SMURF2: variants seen among roughly 807,000 people sequenced by gnomAD.
SMURF2 encodes the protein SMAD specific E3 ubiquitin protein ligase 2.
In SMURF2, 48 loss-of-function variants were observed where a neutral mutation model predicts 109.6. That is an observed-to-expected ratio of 0.44 (90% confidence interval 0.35 to 0.56). The LOEUF is 0.56. SMURF2 is among the 20% of genes least tolerant of loss of function. The pLI is 0.01. For missense variants in SMURF2, 575 were observed against 909.0 expected (o/e 0.63, Z 4.72); for synonymous variants, 288 against 317.1 (o/e 0.91, Z 0.97).
chr17:64,583,427 C>T (rs1299542879), intron 7 of SMURF2, 34 bp downstream of exon 7: 3 of 1,546,312 alleles, frequency 1.9e-6, no homozygotes, highest in African/African-American at 1.4e-5. Flanking sequence ...GGGTGGCTGG[C>T]ATAGATCATG....
chr17:64,644,321 T>C (rs1381549371), intron 1 of SMURF2, among the ~76,000 whole-genome samples: 4 of 151,904 alleles, frequency 2.6e-5, no homozygotes, highest in Non-Finnish European at 5.9e-5. Flanking sequence ...TGGTGGCTCA[T>C]GCCTGTACTC....
At chr17:64,651,726 C>T (rs1555693537) in intron 1 of SMURF2, among the ~76,000 whole-genome samples, 2 of 152,060 alleles carry the variant, frequency 1.3e-5, no homozygotes, top group Non-Finnish European at 2.9e-5. Flanking sequence ...AGTTCAAGAC[C>T]AGCCTGGGTA....
In SMURF2 at chr17:64,544,444, TAA is replaced by T. The variant is rs3840064; in HGVS notation, c.*1402_*1403del. ...AAAATTTGCTTATTTCACATCAATG[TAA>T]AAAAAAACTGATAGTACATATTTTT... On this transcript the variant is annotated 3_prime_UTR_variant, in exon 19 of 19. Coordinates refer to ENST00000262435, the MANE Select transcript of SMURF2 (RefSeq NM_022739.4). 2.0e-5 allele frequency: 3 copies of T among 151,694 alleles called. No homozygotes were observed. Among genetic ancestry groups the T allele is most frequent in the African/African-American group, 7.2e-5 (3 of 41,380 alleles). The allele number at this position is 151,694 out of a possible 1,614,324, so 9.4% of individuals were successfully genotyped here. A position where few individuals can be genotyped will look rare whatever the true frequency, so the allele number is the denominator to read the frequency against.
chr17:64,580,682 G>T, intron 8 of SMURF2, 107 bp downstream of exon 8: 1 of 1,141,326 alleles, frequency 8.8e-7, no homozygotes, highest in Non-Finnish European at 1.3e-6. Context: ...TTTTCATGCA[G>T]AATCCCTAAG....
chr17:64,566,584 T>TTTG (rs1969314211), intron 10 of SMURF2, among the ~76,000 whole-genome samples: 1 of 115,186 alleles, frequency 8.7e-6, no homozygotes, highest in Non-Finnish European at 1.9e-5. Context: ...TTTTTTTTTT[T>TTTG]TTTTTTTGAG....
chr17:64,609,125 C>T (rs559106812), intron 1 of SMURF2, among the ~76,000 whole-genome samples: 3 of 152,134 alleles, frequency 2.0e-5, no homozygotes, highest in East Asian at 3.9e-4. Context: ...TAAGAGAGGA[C>T]ACAAATAAAT....
Position 64,612,673 on chromosome 17 carries a change from C to T in SMURF2, c.53-6033G>A, listed in dbSNP as rs868994909. On this transcript the variant is annotated intron_variant, in intron 1 of 18. Coordinates refer to ENST00000262435, the MANE Select transcript of SMURF2 (RefSeq NM_022739.4). ...TGAGCAACAGAGTGAGACACTGTCC[C>T]CCTCCCTCCACCCCTCAAAAAAATC... 4.2e-4 allele frequency among the ~76,000 whole-genome samples: 64 copies of T among 152,086 alleles called. No homozygotes were observed. The Middle Eastern group carries it at 0.01, about 24-fold the overall frequency.
intron 1 of SMURF2, among the ~76,000 whole-genome samples, chr17:64,629,934 TC>T (rs1555691450): frequency 2.0e-5 from 3 of 152,194 alleles, no homozygotes; most frequent in Non-Finnish European, 4.4e-5. Flanking sequence ...AAAGTAATCA[TC>T]CTTTAAGAAC....
chr17:64,628,589 G>C (rs184025824), intron 1 of SMURF2, among the ~76,000 whole-genome samples: 2 of 152,036 alleles, frequency 1.3e-5, no homozygotes, highest in Non-Finnish European at 1.5e-5. Flanking sequence ...CAATTTCAAC[G>C]AGGGCTTACA....
intron 9 of SMURF2, among the ~76,000 whole-genome samples, chr17:64,575,341 C>T (rs1333630900): frequency 1.8e-4 from 27 of 151,698 alleles, no homozygotes; most frequent in African/African-American, 2.4e-5. Flanking sequence ...TTAGTAGAGA[C>T]GGGTTTTCAC....
intron 9 of SMURF2, among the ~76,000 whole-genome samples, chr17:64,577,460 A>G (rs1969510245): frequency 2.0e-5 from 3 of 151,914 alleles, no homozygotes; most frequent in Admixed American, 2.0e-4. Flanking sequence ...TGTAAATGAC[A>G]AGTTAATGGG....
intron 5 of SMURF2, among the ~76,000 whole-genome samples, chr17:64,589,580 G>T (rs1242183893): frequency 1.3e-5 from 2 of 151,862 alleles, no homozygotes; most frequent in Non-Finnish European, 2.9e-5. Context: ...CCCGAGCTCT[G>T]CCTCCTATCA....
At chr17:64,568,098 C>A (rs1969341297) in intron 10 of SMURF2, among the ~76,000 whole-genome samples, 1 of 152,120 alleles carries the variant, frequency 6.6e-6, no homozygotes, top group African/African-American at 2.4e-5. Context: ...TTGTGATCCA[C>A]CCGCCTTGGC....
chr17:64,573,672 G>A (rs1469114767), intron 9 of SMURF2, among the ~76,000 whole-genome samples: 6 of 152,142 alleles, frequency 3.9e-5, no homozygotes, highest in Non-Finnish European at 1.5e-5. Context: ...AGGCAGAAGG[G>A]CAGGCCAGCA....
chr17:64,592,126 A>G (rs539254278), intron 4 of SMURF2, among the ~76,000 whole-genome samples: 2 of 152,302 alleles, frequency 1.3e-5, no homozygotes, highest in Non-Finnish European at 2.9e-5. Flanking sequence ...AGTCCTTCCA[A>G]TGCGGCATGC....
chr17:64,581,118 T>C lies in SMURF2; in HGVS notation c.570-127A>G, dbSNP rs1969573806. Reference sequence around the variant, plus strand: ...CTGAAAACAGAATGACTAATACAAGTATAATGACTTCAAGAACTCTGAGTA... The same window carrying C: ...CTGAAAACAGAATGACTAATACAAGCATAATGACTTCAAGAACTCTGAGTA... On this transcript the variant is annotated intron_variant, in intron 7 of 18. Transcript: ENST00000262435. The surrounding 1 kb of genome is among the most constrained non-coding windows in gnomAD (Gnocchi z 4.3). 1 of 815,372 alleles carries C rather than the reference T, an allele frequency of 1.2e-6. No homozygotes were observed. Among genetic ancestry groups the C allele is most frequent in the Non-Finnish European group, 1.9e-6 (1 of 521,832 alleles). The allele number at this position is 815,372 out of a possible 1,614,324, so 50.5% of individuals were successfully genotyped here. A position where few individuals can be genotyped will look rare whatever the true frequency, so the allele number is the denominator to read the frequency against.
intron 9 of SMURF2, among the ~76,000 whole-genome samples, chr17:64,577,675 A>C (rs1298092435): frequency 1.3e-5 from 2 of 151,132 alleles, no homozygotes; most frequent in Non-Finnish European, 2.9e-5. Flanking sequence ...GGCTCACTGC[A>C]GCTTCAACCT....
chr17:64,605,437 T>C (rs1035645965), intron 2 of SMURF2, among the ~76,000 whole-genome samples: 2 of 151,908 alleles, frequency 1.3e-5, no homozygotes, highest in African/African-American at 2.4e-5. Context: ...TTTTAAATTA[T>C]ATTGGCCGGG....
chr17:64,551,229 G>T (rs139541508), intron 16 of SMURF2, among the ~76,000 whole-genome samples: 156 of 152,106 alleles, frequency 1.0e-3, no homozygotes, highest in African/African-American at 3.6e-3. Context: ...CAGGGGTGCT[G>T]GTGCATGCTT....
Sources: gnomAD v4.1 joint callset for allele counts (sites outside exome capture counted in the v4.1 genomes callset) on GRCh38, gnomAD v4.1.1 for gene constraint, Gnocchi (gnomAD v3.1) non-coding constraint, MANE v1.5 for transcripts, NCBI Gene and HGNC (gene_info 2026-07-23, HGNC 2026-07-21) for gene names.